Variants in PKIB observed in about 807,000 individuals in gnomAD.
The protein encoded by PKIB is PKI-beta.
PKIB carries 2 observed loss-of-function variants against 4.5 expected under a neutral mutation model. That is an observed-to-expected ratio of 0.44 (90% CI 0.18 to 1.39). PKIB has a LOEUF of 1.39. Among genes scored for constraint, PKIB ranks in the 40% most tolerant of loss-of-function variants. PKIB has a pLI of 0.27. For missense variants in PKIB, 94 were observed against 92.6 expected, an observed-to-expected ratio of 1.02 and a Z score of -0.06; for synonymous variants, 38 against 36.0, an observed-to-expected ratio of 1.06 and a Z score of -0.20.
chr6:122,523,835 T>C (rs1284533915), intron 2 of PKIB, among the ~76,000 whole-genome samples: 1 of 151,668 alleles, frequency 6.6e-6, no homozygotes, highest in Admixed American at 6.6e-5. Flanking sequence ...CCTGCCGCCA[T>C]GTAAGATGTG....
At chr6:122,582,281 G>C (rs1773724329) in intron 2 of PKIB, among the ~76,000 whole-genome samples, 1 of 151,852 alleles carries the variant, frequency 6.6e-6, no homozygotes, top group South Asian at 2.1e-4. Flanking sequence ...TACCACTGTG[G>C]ACTTCCCTTA....
At chr6:122,586,714 T>G (rs1030793537) in intron 3 of PKIB, among the ~76,000 whole-genome samples, 1 of 152,122 alleles carries the variant, frequency 6.6e-6, no homozygotes, top group African/African-American at 2.4e-5. Context: ...ATTGATGATA[T>G]AGCCAAGGGA....
chr6:122,553,478 C>CTTTTT lies in PKIB; in HGVS notation c.-247-32441_-247-32440insTTTTT, dbSNP rs1562249215. 8.2e-5 allele frequency among the ~76,000 whole-genome samples: 4 copies of CTTTTT among 48,920 alleles called. 1 individual carries two copies. The East Asian group carries it at 1.5e-3, about 18-fold the overall frequency. 32.1% of individuals were successfully genotyped at this position (48,920 alleles called of 152,430 possible). On this transcript the variant is annotated intron_variant, in intron 2 of 6. Transcript: ENST00000392491. ...TCATCTCTCAAGATTGCTCAAATAT[C>CTTTTT]TTCTTTTTTTTTTTTTTTTTTTTTT...
At chr6:122,558,440 G>C (rs1186663661) in intron 2 of PKIB, among the ~76,000 whole-genome samples, 1 of 152,092 alleles carries the variant, frequency 6.6e-6, no homozygotes. Flanking sequence ...ACTAGTGAAA[G>C]GTACAGTCAG....
intron 1 of PKIB, among the ~76,000 whole-genome samples, chr6:122,623,840 T>C (rs1775332206): frequency 1.3e-5 from 2 of 152,172 alleles, no homozygotes; most frequent in Admixed American, 6.5e-5. Flanking sequence ...AGAGTGATTT[T>C]TTTTTTTACT....
chr6:122,579,913 C>A (rs2114707928), intron 2 of PKIB, among the ~76,000 whole-genome samples: 1 of 152,098 alleles, frequency 6.6e-6, no homozygotes, highest in African/African-American at 2.4e-5. Context: ...AATTAAGGTG[C>A]AAATAAAAGA....
intron 2 of PKIB, among the ~76,000 whole-genome samples, chr6:122,669,952 A>G (rs1283885374): frequency 6.6e-6 from 1 of 151,870 alleles, no homozygotes; most frequent in Non-Finnish European, 1.5e-5. Context: ...GTTTAGTTCT[A>G]TCTTATGTGC....
At chr6:122,496,749 A>G (rs1776086273) in intron 2 of PKIB, among the ~76,000 whole-genome samples, 1 of 152,212 alleles carries the variant, frequency 6.6e-6, no homozygotes, top group South Asian at 2.1e-4. Context: ...AAGTCTATAA[A>G]TTATTGGCAT....
chr6:122,575,072 T>A (rs760441627), intron 2 of PKIB, among the ~76,000 whole-genome samples: 2 of 151,878 alleles, frequency 1.3e-5, no homozygotes, highest in African/African-American at 2.4e-5. Flanking sequence ...ATAAAACCTG[T>A]CAAAAAGTGG....
At chr6:122,599,160 C>T (rs565713902) in intron 3 of PKIB, among the ~76,000 whole-genome samples, 100 of 152,190 alleles carry the variant, frequency 6.6e-4, no homozygotes, top group African/African-American at 2.2e-3. Context: ...GGGAGGCCAT[C>T]GCTGTTGCCT....
intron 2 of PKIB, among the ~76,000 whole-genome samples, chr6:122,666,730 A>C (rs1777234000): frequency 6.6e-6 from 1 of 152,214 alleles, no homozygotes; most frequent in Admixed American, 6.5e-5. Context: ...AAAATATGGG[A>C]TATATCAAAA....
intron 1 of PKIB, among the ~76,000 whole-genome samples, chr6:122,629,307 A>T (rs1341628367): frequency 3.9e-5 from 6 of 152,226 alleles, no homozygotes. Context: ...GCCAACTGAA[A>T]GAGCTAATGA....
chr6:122,639,560 A>T (rs1017404947), intron 2 of PKIB, among the ~76,000 whole-genome samples: 2 of 152,170 alleles, frequency 1.3e-5, no homozygotes, highest in African/African-American at 2.4e-5. Context: ...GGAAATTTTG[A>T]ACTAGAGAAA....
rs763141344 is a variant in PKIB at position 122,576,712 on chromosome 6, T to A, written c.-247-9209T>A. Reference sequence around the variant, plus strand: ...AAAATATATATATATATATATATATTTTCTTTTGTATAATTATACCTCAGT... The same window carrying A: ...AAAATATATATATATATATATATATATTCTTTTGTATAATTATACCTCAGT... On this transcript the variant is annotated intron_variant, in intron 2 of 6. Coordinates refer to the PKIB transcript ENST00000392491. Among the ~76,000 whole-genome samples the A allele has an allele frequency of 8.2e-3, 621 of 75,368 alleles. 1 individual carries two copies. The highest frequency in any genetic ancestry group is 0.012 in the Non-Finnish European group (452 of 37,226). 49.4% of individuals were successfully genotyped at this position (75,368 alleles called of 152,430 possible).
At chr6:122,597,213 T>A (rs1774205937) in intron 3 of PKIB, among the ~76,000 whole-genome samples, 1 of 152,160 alleles carries the variant, frequency 6.6e-6, no homozygotes, top group African/African-American at 2.4e-5. Flanking sequence ...ATATAATCAA[T>A]GTAATGGCCC....
At chr6:122,643,936 A>G (rs1411010083) in intron 2 of PKIB, 2 of 152,116 alleles carry the variant, frequency 1.3e-5, no homozygotes, top group Non-Finnish European at 2.9e-5. Flanking sequence ...TCTTTAGTAT[A>G]TGTCAGTTCT....
In PKIB at chr6:122,668,632, T is replaced by G. The variant is rs993116138; in HGVS notation, c.-75-6446T>G. Among the ~76,000 whole-genome samples, 70 of 152,164 alleles carry G rather than the reference T, an allele frequency of 4.6e-4. 3 individuals are homozygous for G. Among genetic ancestry groups the G allele is most frequent in the African/African-American group, 4.8e-5 (2 of 41,448 alleles). ...CGGTCTGACTTCTCCCTAAAAAATG[T>G]CCTCCTGGTTGGATCAACCAAGCCA... On this transcript the variant is annotated intron_variant, in intron 2 of 4. Coordinates refer to ENST00000368452, the MANE Select transcript of PKIB (RefSeq NM_181795.3).
intron 2 of PKIB, among the ~76,000 whole-genome samples, chr6:122,569,310 A>G (rs2114688425): frequency 6.6e-6 from 1 of 152,304 alleles, no homozygotes; most frequent in African/African-American, 2.4e-5. Flanking sequence ...TGCTACTACC[A>G]CAGCTGGTGC....
intron 3 of PKIB, among the ~76,000 whole-genome samples, chr6:122,695,305 TTC>T (rs1778528334): frequency 2.6e-5 from 4 of 152,180 alleles, no homozygotes; most frequent in Admixed American, 2.6e-4. Flanking sequence ...AAGTATTTGT[TTC>T]TGTTTTATTC....
Sources: allele counts gnomAD v4.1 joint callset (sites outside exome capture counted in the v4.1 genomes callset), GRCh38; gene constraint gnomAD v4.1.1; transcripts MANE v1.5; gene names NCBI Gene and HGNC (gene_info 2026-07-23, HGNC 2026-07-21).